PSG3: variants seen among roughly 807,000 people sequenced by gnomAD.
PSG3 encodes pregnancy-specific beta-1-glycoprotein 3.
PSG3 carries 61 observed loss-of-function variants against 47.5 expected under a neutral mutation model. The observed-to-expected ratio is 1.28, with a 90% CI of 1.05 to 1.59. PSG3 has a LOEUF of 1.59. Ranked by LOEUF, PSG3 falls within the 40% of genes most tolerant of loss-of-function variation. The pLI, the probability that PSG3 is intolerant of heterozygous loss-of-function variation, is 0.00. For missense variants in PSG3, 756 were observed against 524.0 expected (o/e 1.44, Z -4.32); for synonymous variants, 263 against 198.4 (o/e 1.33, Z -2.74).
intron 1 of PSG3, among the ~76,000 whole-genome samples, chr19:42,739,711 C>A (rs1166380672): frequency 2.6e-5 from 4 of 152,160 alleles, no homozygotes; most frequent in Admixed American, 6.5e-5. Context: ...TTGCTGAGGA[C>A]AGTGTTTCAT....
intron 5 of PSG3, among the ~76,000 whole-genome samples, chr19:42,727,378 T>G (rs1969394406): frequency 6.6e-6 from 1 of 152,160 alleles, no homozygotes; most frequent in South Asian, 2.1e-4. Context: ...GAAATTAATT[T>G]CCAGAATACA....
rs1236197148 is a variant in PSG3, at chr19:42,737,403, T to C, written c.430+1321A>G. On this transcript the variant is annotated intron_variant, in intron 2 of 6. Transcript: ENST00000327495. Reference sequence around the variant, plus strand: ...GTCTGTCTCGCTGGGCCTATGGTGGTGTAGGGTGTGAGTGGGGAAAGAAAA... The same window carrying C: ...GTCTGTCTCGCTGGGCCTATGGTGGCGTAGGGTGTGAGTGGGGAAAGAAAA... 2.0e-5 allele frequency among the ~76,000 whole-genome samples: 3 copies of C among 152,228 alleles called. No individual in the cohort carries two copies. The East Asian group carries it at 5.8e-4, about 29-fold the overall frequency.
intron 3 of PSG3, chr19:42,732,208 A>G (rs1487653850): frequency 6.2e-6 from 1 of 161,768 alleles, no homozygotes; most frequent in Admixed American, 5.7e-5. Context: ...AGACCCCTCT[A>G]TATGTTTTAG....
At chr19:42,731,990 G>A (rs2122179692) in intron 3 of PSG3, 1 of 151,874 alleles carries the variant, frequency 6.6e-6, no homozygotes, top group Admixed American at 6.5e-5. Flanking sequence ...AAAAGCTGGT[G>A]GTTTTGGAGC....
chr19:42,734,372 A>T (rs1203226681), intron 2 of PSG3, among the ~76,000 whole-genome samples: 3 of 152,190 alleles, frequency 2.0e-5, no homozygotes, highest in Non-Finnish European at 4.4e-5. Flanking sequence ...GCATCACATC[A>T]GTGGTCAGAA....
At chr19:42,734,003 TA>T (rs1969520046) in intron 2 of PSG3, 1 of 152,172 alleles carries the variant, frequency 6.6e-6, no homozygotes, top group East Asian at 1.9e-4. Context: ...TTTCTCTCAT[TA>T]GACATTCTAC....
chr19:42,727,052 G>C (rs1345426124), intron 5 of PSG3, among the ~76,000 whole-genome samples: 1 of 152,176 alleles, frequency 6.6e-6, no homozygotes, highest in African/African-American at 2.4e-5. Flanking sequence ...CTCACCAAAT[G>C]ATATTGGGAA....
chr19:42,728,163 A>G (rs1450020411), intron 5 of PSG3, among the ~76,000 whole-genome samples: 1 of 152,212 alleles, frequency 6.6e-6, no homozygotes, highest in East Asian at 1.9e-4. Context: ...GAGGTTTAAT[A>G]TGGTAAGAGG....
At chr19:42,735,314 T>A (rs1969545037) in intron 2 of PSG3, among the ~76,000 whole-genome samples, 1 of 152,192 alleles carries the variant, frequency 6.6e-6, no homozygotes, top group Non-Finnish European at 1.5e-5. Context: ...GATTCTTTCC[T>A]CAGCTATGTT....
intron 2 of PSG3, among the ~76,000 whole-genome samples, chr19:42,738,372 T>G (rs1281953828): frequency 1.3e-5 from 2 of 152,088 alleles, no homozygotes; most frequent in Non-Finnish European, 2.9e-5. Flanking sequence ...TCTCTGAGAG[T>G]ATTTCATGGG....
intron 1 of PSG3, 156 bp from the exon 2 acceptor site, chr19:42,739,245 GTA>G (rs1969625331): frequency 1.6e-6 from 2 of 1,273,236 alleles, no homozygotes; most frequent in East Asian, 4.7e-5. Flanking sequence ...AGGGGCATGT[GTA>G]TATGTGTTTG....
At chr19:42,726,331 TGGAA>T (rs952062903) in intron 5 of PSG3, among the ~76,000 whole-genome samples, 2 of 152,152 alleles carry the variant, frequency 1.3e-5, no homozygotes, top group Non-Finnish European at 2.9e-5. Context: ...ACGTTAAAAT[TGGAA>T]GGAAGGAGTA....
intron 2 of PSG3, among the ~76,000 whole-genome samples, chr19:42,737,138 C>A (rs1969577927): frequency 6.6e-6 from 1 of 151,996 alleles, no homozygotes; most frequent in African/African-American, 2.4e-5. Flanking sequence ...CAGTCCAGGA[C>A]CAAGGAGCCC....
At chr19:42,738,643 A>G in intron 2 of PSG3, 81 bp downstream of exon 2, 2 of 1,610,474 alleles carry the variant, frequency 1.2e-6, no homozygotes, top group Non-Finnish European at 1.7e-6. Context: ...GGACACAGGC[A>G]CAATCCAGGC....
intron 2 of PSG3, among the ~76,000 whole-genome samples, chr19:42,738,323 G>A (rs1214314050): frequency 6.6e-6 from 1 of 152,200 alleles, no homozygotes; most frequent in Non-Finnish European, 1.5e-5. Context: ...CAAGGATTTA[G>A]GGACATGGTT....
chr19:42,731,337 A>C (rs1214581607), intron 3 of PSG3, among the ~76,000 whole-genome samples: 2 of 152,248 alleles, frequency 1.3e-5, no homozygotes, highest in African/African-American at 4.8e-5. Context: ...AAAATCTAAA[A>C]TGCTTCAGTG....
chr19:42,739,297 C>A (rs777318193), intron 1 of PSG3: 17 of 907,056 alleles, frequency 1.9e-5, no homozygotes, highest in South Asian at 3.8e-5. Flanking sequence ...GCAACATGAC[C>A]CCCATTCCTT....
rs539012751 is a variant in PSG3 at position 42,723,931 on chromosome 19, G to C, written c.*40+11C>G. ...CTGCAGGAACCAGGATAAGAGGAAA[G>C]GTCATCATACCTGCCAGTCTTCCTG... On this transcript the variant is annotated intron_variant, in intron 6 of 6. Transcript: ENST00000327495. 1 of 1,553,766 alleles carries C rather than the reference G, an allele frequency of 6.4e-7. No homozygotes were observed. The highest frequency in any genetic ancestry group is 1.1e-5 in the South Asian group (1 of 89,818).
At chr19:42,738,518 G>A (rs1969604481) in intron 2 of PSG3, among the ~76,000 whole-genome samples, 1 of 152,180 alleles carries the variant, frequency 6.6e-6, no homozygotes, top group African/African-American at 2.4e-5. Context: ...CCTCTGCAGC[G>A]AGTGTCTGCA....
Sources: allele counts gnomAD v4.1 joint callset (sites outside exome capture counted in the v4.1 genomes callset), GRCh38; gene constraint gnomAD v4.1.1; transcripts MANE v1.5; gene names NCBI Gene and HGNC (gene_info 2026-07-23, HGNC 2026-07-21).